Variants in EPHX4 observed in about 807,000 individuals in gnomAD.
EPHX4 encodes the protein abhydrolase domain containing 7.
A neutral mutation model predicts 44.9 loss-of-function variants in EPHX4; 31 were observed. The observed-to-expected ratio is 0.69, with a 90% confidence interval of 0.52 to 0.93. The LOEUF (loss-of-function observed/expected upper bound fraction) is 0.93, where lower values mean the gene tolerates loss of function less well. EPHX4 is among the 40% of genes least tolerant of loss of function. The pLI is 0.00. For synonymous variants in EPHX4, 151 were observed against 159.7 expected, an observed-to-expected ratio of 0.95 and a Z score of 0.41; for missense variants, 373 against 438.1, an observed-to-expected ratio of 0.85 and a Z score of 1.33.
rs1230933896 is a variant in EPHX4 at position 92,063,471 on chromosome 1, T to C, written c.*185T>C. 1 of 481,842 alleles carries C rather than the reference T, an allele frequency of 2.1e-6. No individual in the cohort carries two copies. The highest frequency in any genetic ancestry group is 1.9e-5 in the African/African-American group (1 of 52,110). 29.8% of individuals were successfully genotyped at this position (481,842 alleles called of 1,614,324 possible). ...ATGTGAACATATAATACAATGTTGA[T>C]TTTCTTCTGGTGTATTTTGCACAGA... On this transcript the variant is annotated 3_prime_UTR_variant, in exon 7 of 7. Transcript: ENST00000370383.
intron 6 of EPHX4, among the ~76,000 whole-genome samples, chr1:92,060,015 A>C (rs776806068): frequency 1.7e-4 from 26 of 152,036 alleles, no homozygotes; most frequent in Non-Finnish European, 2.5e-4. Context: ...TGCCCCACCG[A>C]GAAGTATTTT....
At chr1:92,036,620 A>T (rs958946057) in intron 2 of EPHX4, among the ~76,000 whole-genome samples, 2 of 152,374 alleles carry the variant, frequency 1.3e-5, no homozygotes, top group African/African-American at 2.4e-5. Context: ...GACAGGCATG[A>T]GTCTCTTCTG....
chr1:92,054,460 A>G (rs1036412926), intron 6 of EPHX4, among the ~76,000 whole-genome samples: 15 of 151,904 alleles, frequency 9.9e-5, no homozygotes, highest in African/African-American at 3.1e-4. Flanking sequence ...GTGGTGGCAC[A>G]TGCCTGTAAT....
At chr1:92,033,479 AC>A (rs1300713349) in intron 2 of EPHX4, among the ~76,000 whole-genome samples, 1 of 151,972 alleles carries the variant, frequency 6.6e-6, no homozygotes, top group Non-Finnish European at 1.5e-5. Context: ...CAAACCAAAG[AC>A]GTGGAGTGAT....
chr1:92,061,950 G>A (rs958521815), intron 6 of EPHX4, among the ~76,000 whole-genome samples: 1 of 152,124 alleles, frequency 6.6e-6, no homozygotes, highest in African/African-American at 2.4e-5. Context: ...GCTCATGCCT[G>A]TAATCCCAGC....
chr1:92,062,601 A>G (rs1290685489), intron 6 of EPHX4, among the ~76,000 whole-genome samples: 1 of 151,118 alleles, frequency 6.6e-6, no homozygotes, highest in Non-Finnish European at 1.5e-5. Flanking sequence ...AAAAAAAAAA[A>G]AAAAAAAAAG....
At chr1:92,061,675 A>G (rs2101877433) in intron 6 of EPHX4, among the ~76,000 whole-genome samples, 1 of 152,354 alleles carries the variant, frequency 6.6e-6, no homozygotes. Context: ...CAAGTCATTT[A>G]TGAGTTATGC....
At chr1:92,050,980 G>T (rs1268583449) in intron 5 of EPHX4, among the ~76,000 whole-genome samples, 2 of 152,036 alleles carry the variant, frequency 1.3e-5, no homozygotes, top group Non-Finnish European at 2.9e-5. Context: ...CTACAGGCAT[G>T]TGCCACCATG....
chr1:92,054,826 C>G (rs1028811761), intron 6 of EPHX4, among the ~76,000 whole-genome samples: 7 of 151,950 alleles, frequency 4.6e-5, no homozygotes, highest in African/African-American at 1.7e-4. Flanking sequence ...ATCTAGAAGT[C>G]TATAGATGAG....
At chr1:92,062,446 G>A (rs906761435) in intron 6 of EPHX4, among the ~76,000 whole-genome samples, 4 of 151,758 alleles carry the variant, frequency 2.6e-5, no homozygotes, top group East Asian at 1.9e-4. Context: ...TTAGCCAGGC[G>A]CATTGGCAGG....
Position 92,063,038 on chromosome 1 carries a change from G to A in EPHX4, c.858-17G>A, listed in dbSNP as rs761367116. The A allele has an allele frequency of 6.3e-7, 1 of 1,595,168 alleles. No individual in the cohort carries two copies. The highest frequency in any genetic ancestry group is 8.6e-7 in the Non-Finnish European group (1 of 1,166,266). ...CTTTGACAGTGAATCTCAAGCCCAT[G>A]TATTTTGTTTTTATAGCTGCCTGCC... On this transcript the variant is annotated splice_polypyrimidine_tract_variant and intron_variant, in intron 6 of 6. Transcript: ENST00000370383.
intron 6 of EPHX4, among the ~76,000 whole-genome samples, chr1:92,054,922 T>TAATGAAGTAAAAATGTAA (rs1647330115): frequency 6.6e-6 from 1 of 151,980 alleles, no homozygotes; most frequent in Admixed American, 6.6e-5. Context: ...CTTAGAGAGA[T>TAATGAAGTAAAAATGTAA]AATGAAGTAA....
intron 5 of EPHX4, 57 bp from the exon 6 acceptor site, chr1:92,052,453 T>A: frequency 6.6e-7 from 1 of 1,503,762 alleles, no homozygotes; most frequent in Non-Finnish European, 8.9e-7. Flanking sequence ...AGCCAAAGAC[T>A]TAGCTTATTA....
At chr1:92,056,925 A>G (rs1468405421) in intron 6 of EPHX4, among the ~76,000 whole-genome samples, 1 of 152,212 alleles carries the variant, frequency 6.6e-6, no homozygotes, top group African/African-American at 2.4e-5. Flanking sequence ...ACAAACTTTT[A>G]GAAAACCTCA....
In EPHX4 at chr1:92,045,601, A is replaced by G. The variant is rs1688572045; in HGVS notation, c.545A>G (p.Tyr182Cys). The G allele has an allele frequency of 6.2e-7, 1 of 1,614,074 alleles. No individual in the cohort carries two copies. Among genetic ancestry groups the G allele is most frequent in the Non-Finnish European group, 8.5e-7 (1 of 1,179,968 alleles). Residue 182 changes from tyrosine (Y) to cysteine (C), a missense_variant, in exon 4 of 7, where the codon TAT (tyrosine) becomes TGT (cysteine). By Grantham distance (194) the Tyr-to-Cys change is radical. Coordinates refer to ENST00000370383, the MANE Select transcript of EPHX4 (RefSeq NM_173567.5). ...GMIAWLIAIC[Y>C]PEMVMKLIVI... is the part of the protein sequence containing the mutation. The stretch of plus-strand genomic sequence containing the variant: ...ATTGCTTGGCTAATTGCCATCTGTT[A>G]TCCTGAAATGGTGATGAAGCTTATT...
At chr1:92,062,324 G>A (rs980923340) in intron 6 of EPHX4, among the ~76,000 whole-genome samples, 6 of 151,572 alleles carry the variant, frequency 4.0e-5, no homozygotes, top group Admixed American at 3.3e-4. Flanking sequence ...GGTGGCTCAC[G>A]GCTGTAATCC....
intron 4 of EPHX4, among the ~76,000 whole-genome samples, chr1:92,048,638 G>A (rs1185793151): frequency 6.6e-6 from 1 of 152,074 alleles, no homozygotes; most frequent in Non-Finnish European, 1.5e-5. Context: ...GTTATGAAAT[G>A]GGAAATAAGA....
chr1:92,030,031 C>A lies in EPHX4; in HGVS notation c.-49C>A. ...GGCTGGCCTGGCGCGCTGCGGCGCTCGCTCACCCGCTCCCGAGGAAGGGCA... is the reference window on the plus strand; with the variant it reads ...GGCTGGCCTGGCGCGCTGCGGCGCTAGCTCACCCGCTCCCGAGGAAGGGCA... On this transcript the variant is annotated 5_prime_UTR_variant, in exon 1 of 7. Coordinates refer to ENST00000370383, the MANE Select transcript of EPHX4 (RefSeq NM_173567.5). 7 of 1,398,874 alleles carry A rather than the reference C, an allele frequency of 5.0e-6. No homozygotes were observed. The highest frequency in any genetic ancestry group is 6.6e-6 in the Non-Finnish European group (7 of 1,061,104). The allele number at this position is 1,398,874 out of a possible 1,614,324, so 86.7% of individuals were successfully genotyped here. A position where few individuals can be genotyped will look rare whatever the true frequency, so the allele number is the denominator to read the frequency against.
intron 1 of EPHX4, 96 bp downstream of exon 1, chr1:92,030,406 C>G: frequency 8.8e-7 from 1 of 1,135,982 alleles, no homozygotes; most frequent in Non-Finnish European, 1.2e-6. Flanking sequence ...GCTGGCTCAG[C>G]GTCCCCTAGT....
Sources: allele counts gnomAD v4.1 joint callset (sites outside exome capture counted in the v4.1 genomes callset), GRCh38; gene constraint gnomAD v4.1.1; transcripts MANE v1.5; gene names NCBI Gene and HGNC (gene_info 2026-07-23, HGNC 2026-07-21).